LPP: variants seen among roughly 807,000 people sequenced by gnomAD.
LPP encodes lipoma-preferred partner.
LPP carries 38 observed loss-of-function variants against 60.4 expected under a neutral mutation model. That is an observed-to-expected ratio of 0.63 (90% CI 0.49 to 0.83). The LOEUF is 0.83. Among genes scored for constraint, LPP ranks in the 40% least tolerant of loss-of-function variants. The pLI is 0.00. For synonymous variants in LPP, 328 were observed against 290.8 expected (o/e 1.13, Z -1.30); for missense variants, 902 against 783.6 (o/e 1.15, Z -1.80).
rs576064358 is a variant in LPP, at chr3:188,665,628, T to C, written c.1114-42639T>C. Reference sequence around the variant, plus strand: ...GCACCTGTCACCACACCAGGCTAATTTTTGTATTTTTTTTAGTAGAGTTGG... The same window carrying C: ...GCACCTGTCACCACACCAGGCTAATCTTTGTATTTTTTTTAGTAGAGTTGG... On this transcript the variant is annotated intron_variant, in intron 7 of 11. Transcript: ENST00000617246. 3.3e-5 allele frequency among the ~76,000 whole-genome samples: 5 copies of C among 152,056 alleles called. No individual in the cohort carries two copies. The East Asian group carries it at 9.7e-4, about 29-fold the overall frequency.
Position 188,686,021 on chromosome 3 carries a change from C to A in LPP, c.1114-22246C>A, listed in dbSNP as rs187419228. On this transcript the variant is annotated intron_variant, in intron 7 of 11. Coordinates refer to ENST00000617246, the MANE Select transcript of LPP (RefSeq NM_001375462.1). ...TATGAGGGCAGGCTTTGAAGTTTGA[C>A]AGTCTTAAAGCTAGAGTGGTGTCAT... Among the ~76,000 whole-genome samples, 65 of 152,276 alleles carry A rather than the reference C, an allele frequency of 4.3e-4. 2 individuals are homozygous for A. In the East Asian group the frequency reaches 0.012, roughly 29 times the overall value.
intron 6 of LPP, among the ~76,000 whole-genome samples, chr3:188,534,251 C>A (rs1352519682): frequency 6.6e-6 from 1 of 152,198 alleles, no homozygotes; most frequent in Non-Finnish European, 1.5e-5. Flanking sequence ...TAGCCTTTAA[C>A]TGTGATTTGT....
In LPP at chr3:188,889,621, AG is replaced by A. The variant is rs1173186410; in HGVS notation, c.*15146del. The A allele has an allele frequency of 8.9e-6, 2 of 225,908 alleles. No individual in the cohort carries two copies. The highest frequency in any genetic ancestry group is 4.4e-5 in the African/African-American group (2 of 44,986). 14.0% of individuals were successfully genotyped at this position (225,908 alleles called of 1,614,324 possible). On this transcript the variant is annotated 3_prime_UTR_variant, in exon 12 of 12. Transcript: ENST00000617246. ...CCCAGTTTTACCAAATGGAAGTAAAAGGGGACAAACTATGGAAGATGGACTC... is the reference window on the plus strand; with the variant it reads ...CCCAGTTTTACCAAATGGAAGTAAAAGGGACAAACTATGGAAGATGGACTC...
intron 6 of LPP, among the ~76,000 whole-genome samples, chr3:188,551,811 G>T (rs1828207980): frequency 6.6e-6 from 1 of 152,140 alleles, no homozygotes; most frequent in South Asian, 2.1e-4. Flanking sequence ...AGGTTGGAGT[G>T]ATGCTTCAGG....
In LPP at chr3:188,372,513, A is replaced by G. The variant is rs114706674; in HGVS notation, c.-10+30794A>G. On this transcript the variant is annotated intron_variant, in intron 3 of 11. Transcript: ENST00000617246. ...GTGTCTTGTTGTAAGAAATGTTTTC[A>G]GACCTATCATTTTCTTTTGTTTCTT... is the stretch of plus-strand genomic sequence containing the variant. Among the ~76,000 whole-genome samples the G allele has an allele frequency of 5.7e-3, 863 of 152,194 alleles. 10 individuals are homozygous for G. Among genetic ancestry groups the G allele is most frequent in the African/African-American group, 0.02 (831 of 41,560 alleles).
At chr3:188,279,418 C>T (rs1428119729) in intron 2 of LPP, among the ~76,000 whole-genome samples, 1 of 152,146 alleles carries the variant, frequency 6.6e-6, no homozygotes, top group Non-Finnish European at 1.5e-5. Context: ...CCTTGGGTAG[C>T]CAATGAATTA....
intron 9 of LPP, among the ~76,000 whole-genome samples, chr3:188,835,092 A>G (rs187751241): frequency 7.9e-5 from 12 of 152,224 alleles, no homozygotes; most frequent in African/African-American, 2.9e-4. Flanking sequence ...GCATCCTTCA[A>G]TTAACCCACA....
chr3:188,447,990 T>C (rs962835708), intron 4 of LPP, among the ~76,000 whole-genome samples: 1 of 152,202 alleles, frequency 6.6e-6, no homozygotes, highest in African/African-American at 2.4e-5. Context: ...GATTGGAGGT[T>C]GTTTTCAAAC....
chr3:188,703,149 A>G (rs1206299470), intron 7 of LPP, among the ~76,000 whole-genome samples: 1 of 152,216 alleles, frequency 6.6e-6, no homozygotes, highest in African/African-American at 2.4e-5. Flanking sequence ...TTAATATGCT[A>G]CAGTGAATAT....
At chr3:188,426,174 A>G (rs1789290193) in intron 4 of LPP, among the ~76,000 whole-genome samples, 2 of 146,878 alleles carry the variant, frequency 1.4e-5, no homozygotes, top group African/African-American at 5.5e-5. Context: ...TTGGTTTCAA[A>G]GAACTTATTT....
intron 2 of LPP, among the ~76,000 whole-genome samples, chr3:188,264,337 G>A (rs1734703100): frequency 6.6e-6 from 1 of 151,570 alleles, no homozygotes; most frequent in Non-Finnish European, 1.5e-5. Context: ...ATAATTATGA[G>A]GCCACATCTG....
chr3:188,589,317 T>G (rs963719287), intron 6 of LPP, among the ~76,000 whole-genome samples: 1 of 152,106 alleles, frequency 6.6e-6, no homozygotes, highest in African/African-American at 2.4e-5. Flanking sequence ...TCTTATTGAG[T>G]TTCTTCCCTA....
chr3:188,602,899 T>C (rs75362052), intron 6 of LPP, among the ~76,000 whole-genome samples: 3,000 of 151,912 alleles, frequency 0.02, 96 homozygotes, highest in African/African-American at 0.069. Context: ...AACTCTTCAA[T>C]TGCATGCTTC....
Position 188,700,210 on chromosome 3 carries a change from G to A in LPP, c.1114-8057G>A, listed in dbSNP as rs146159705. On this transcript the variant is annotated intron_variant, in intron 7 of 11. Coordinates refer to ENST00000617246, the MANE Select transcript of LPP (RefSeq NM_001375462.1). ...TTGAATATCTTGGCTGCCTTTTCCC[G>A]GTGTTTTATCCGCCTGAGCGGTGCT... Among the ~76,000 whole-genome samples, 39 of 152,184 alleles carry A rather than the reference G, an allele frequency of 2.6e-4. 1 individual carries two copies. Among genetic ancestry groups the A allele is most frequent in the East Asian group, 2.5e-3 (13 of 5,170 alleles).
intron 5 of LPP, among the ~76,000 whole-genome samples, chr3:188,517,046 A>G (rs754097069): frequency 5.1e-4 from 77 of 152,342 alleles, no homozygotes; most frequent in African/African-American, 1.2e-3. Context: ...TATTAACAGA[A>G]GCATTTATTT....
intron 9 of LPP, among the ~76,000 whole-genome samples, chr3:188,842,894 G>C (rs908011220): frequency 6.6e-6 from 1 of 152,052 alleles, no homozygotes; most frequent in Non-Finnish European, 1.5e-5. Context: ...AGTCCCATCT[G>C]CCACCCTCAG....
intron 4 of LPP, 54 bp downstream of exon 4, chr3:188,406,367 T>C: frequency 6.7e-7 from 1 of 1,490,318 alleles, no homozygotes; most frequent in Middle Eastern, 1.8e-4. Context: ...TTCAGTTATA[T>C]AGGTGATTTG....
At chr3:188,825,269 CTGTGTGTGTGTGTGTGTGTGTGTGTG>C (rs3057956) in intron 9 of LPP, among the ~76,000 whole-genome samples, 6 of 101,690 alleles carry the variant, frequency 5.9e-5, no homozygotes, top group African/African-American at 2.4e-4. Context: ...CTCTCTCTCT[CTGTGTGTGTGTGTGTGTGTGTGTGTG>C]TGTGTGTGTG....
chr3:188,550,577 CAAAAA>C (rs67052080), intron 6 of LPP, among the ~76,000 whole-genome samples: 1 of 66,918 alleles, frequency 1.5e-5, no homozygotes, highest in Non-Finnish European at 2.6e-5. Context: ...GACTCCATCT[CAAAAA>C]AAAAAAAAAA....
Sources: gnomAD v4.1 joint callset for allele counts (sites outside exome capture counted in the v4.1 genomes callset) on GRCh38, gnomAD v4.1.1 for gene constraint, MANE v1.5 for transcripts, NCBI Gene and HGNC (gene_info 2026-07-23, HGNC 2026-07-21) for gene names.